Variants in BCKDHB observed in about 807,000 individuals in gnomAD.
BCKDHB encodes 2-oxoisovalerate dehydrogenase subunit beta, mitochondrial.
BCKDHB carries 41 observed loss-of-function variants against 48.5 expected under a neutral mutation model. The ratio of observed to expected loss-of-function variants is 0.85; its 90% CI spans 0.66 to 1.10. The LOEUF (loss-of-function observed/expected upper bound fraction) is 1.10. BCKDHB is among the 50% of genes least tolerant of loss of function. The pLI is 0.00. For synonymous variants in BCKDHB, 201 were observed against 174.8 expected (o/e 1.15, Z -1.18); for missense variants, 496 against 494.2 (o/e 1.00, Z -0.03).
intron 1 of BCKDHB, among the ~76,000 whole-genome samples, chr6:80,117,206 A>C (rs1234633678): frequency 6.6e-6 from 1 of 152,238 alleles, no homozygotes; most frequent in East Asian, 1.9e-4. Context: ...TCAGGAGTGA[A>C]AGTTTAGGTA....
At chr6:80,125,536 T>A (rs1298434487) in intron 1 of BCKDHB, among the ~76,000 whole-genome samples, 1 of 152,210 alleles carries the variant, frequency 6.6e-6, no homozygotes, top group Non-Finnish European at 1.5e-5. Flanking sequence ...CCTTCCGTAC[T>A]TAGCTTAGTC....
the BCKDHB span, among the ~76,000 whole-genome samples, chr6:80,387,774 G>T: frequency 6.6e-6 from 1 of 152,188 alleles, no homozygotes; most frequent in Non-Finnish European, 1.5e-5. Context: ...CTGACTTTGT[G>T]TCATAATCTT....
In BCKDHB at chr6:80,106,919, G is replaced by T. The variant is rs373475872; in HGVS notation, c.196+30G>T. The T allele has an allele frequency of 3.1e-5, 49 of 1,579,678 alleles. No homozygotes were observed. In the African/African-American group the frequency reaches 6.3e-4, roughly 20 times the overall value. ...GCCCTGGGACTGCCCACTCGGTCCCGCTGCAGCCCGGACTCCCAGGCTCGC... is the reference window on the plus strand; with the variant it reads ...GCCCTGGGACTGCCCACTCGGTCCCTCTGCAGCCCGGACTCCCAGGCTCGC... On this transcript the variant is annotated intron_variant, in intron 1 of 9. Transcript: ENST00000320393.
At chr6:80,273,296 T>A in intron 9 of BCKDHB, 75 bp downstream of exon 9, 1 of 1,219,650 alleles carries the variant, frequency 8.2e-7, no homozygotes, top group Non-Finnish European at 1.2e-6. Flanking sequence ...ATAAATTACT[T>A]ATCACAATAT....
chr6:80,451,932 A>G, the BCKDHB span, among the ~76,000 whole-genome samples: 14 of 152,186 alleles, frequency 9.2e-5, no homozygotes, highest in Non-Finnish European at 2.1e-4. Context: ...AAAATAACCA[A>G]TATCTGTGAT....
intron 9 of BCKDHB, among the ~76,000 whole-genome samples, chr6:80,337,688 G>A (rs886239305): frequency 6.6e-6 from 1 of 151,948 alleles, no homozygotes; most frequent in Admixed American, 6.6e-5. Flanking sequence ...TGTTGTGGTA[G>A]TATAATGATT....
Position 80,337,781 on chromosome 6 carries a change from G to T in BCKDHB, c.1039-5883G>T, listed in dbSNP as rs948369042. 6.6e-5 allele frequency among the ~76,000 whole-genome samples: 10 copies of T among 152,204 alleles called. No individual in the cohort carries two copies. The East Asian group carries it at 1.9e-3, about 29-fold the overall frequency. On this transcript the variant is annotated intron_variant, in intron 9 of 9. Coordinates refer to ENST00000320393, the MANE Select transcript of BCKDHB (RefSeq NM_183050.4). ...GTTGCTACTTGGAAATTAAGTTGTG[G>T]AGTGATGTTTCTCATTGGTCCAAGG...
intron 9 of BCKDHB, among the ~76,000 whole-genome samples, chr6:80,319,191 A>G (rs1329225593): frequency 6.6e-6 from 1 of 152,250 alleles, no homozygotes; most frequent in Admixed American, 6.5e-5. Context: ...GAAAAGAATT[A>G]CATGAAACAA....
chr6:80,149,899 A>G (rs894628491), intron 3 of BCKDHB, among the ~76,000 whole-genome samples: 18 of 151,924 alleles, frequency 1.2e-4, no homozygotes, highest in African/African-American at 4.4e-4. Context: ...TAATGGGTGC[A>G]GCATACCAGC....
intron 9 of BCKDHB, among the ~76,000 whole-genome samples, chr6:80,301,763 C>T (rs9448922): frequency 0.044 from 6,688 of 152,066 alleles, 496 homozygotes; most frequent in African/African-American, 0.15. Flanking sequence ...ACTAGCAAAC[C>T]GAATTCAGTA....
At chr6:80,439,395 T>TTA in the BCKDHB span, among the ~76,000 whole-genome samples, 1 of 152,204 alleles carries the variant, frequency 6.6e-6, no homozygotes, top group African/African-American at 2.4e-5. Context: ...AAGGCAATGT[T>TTA]TATATATATG....
the BCKDHB span, among the ~76,000 whole-genome samples, chr6:80,393,723 C>G: frequency 1.1e-4 from 17 of 152,212 alleles, no homozygotes; most frequent in African/African-American, 4.1e-4. Context: ...GCACAGCTAT[C>G]GTCTTGGATT....
intron 9 of BCKDHB, among the ~76,000 whole-genome samples, chr6:80,337,608 A>G (rs566764917): frequency 6.6e-6 from 1 of 151,790 alleles, no homozygotes; most frequent in South Asian, 2.1e-4. Flanking sequence ...AATTTATATT[A>G]CATATATATT....
intron 9 of BCKDHB, among the ~76,000 whole-genome samples, chr6:80,319,878 T>G (rs1316961919): frequency 2.0e-5 from 3 of 152,170 alleles, no homozygotes; most frequent in African/African-American, 7.2e-5. Flanking sequence ...TAAGATCAGT[T>G]CTTTTAGGGA....
At chr6:80,315,533 T>G (rs575399274) in intron 9 of BCKDHB, among the ~76,000 whole-genome samples, 1 of 152,210 alleles carries the variant, frequency 6.6e-6, no homozygotes, top group East Asian at 1.9e-4. Context: ...CCCCCTTTTG[T>G]TGCTCTCTGT....
intron 6 of BCKDHB, among the ~76,000 whole-genome samples, chr6:80,185,957 A>G (rs1362101424): frequency 3.3e-5 from 5 of 152,154 alleles, no homozygotes; most frequent in Non-Finnish European, 7.4e-5. Context: ...GTTAGTCAGG[A>G]TGTTGTAGAT....
At chr6:80,216,633 A>G (rs1775184970) in intron 8 of BCKDHB, among the ~76,000 whole-genome samples, 1 of 152,194 alleles carries the variant, frequency 6.6e-6, no homozygotes, top group Non-Finnish European at 1.5e-5. Context: ...TAGCAGTGAA[A>G]AGAAAGAAAT....
At chr6:80,107,133 A>C (rs1029654271) in intron 1 of BCKDHB, among the ~76,000 whole-genome samples, 1 of 151,718 alleles carries the variant, frequency 6.6e-6, no homozygotes, top group Non-Finnish European at 1.5e-5. Context: ...GTGAGAGGGC[A>C]TACTGCCACC....
chr6:80,117,279 A>G (rs1769755420), intron 1 of BCKDHB, among the ~76,000 whole-genome samples: 1 of 152,244 alleles, frequency 6.6e-6, no homozygotes, highest in Admixed American at 6.5e-5. Context: ...CAAGACGAAT[A>G]GATTCTTTGT....
Sources: allele counts gnomAD v4.1 joint callset (sites outside exome capture counted in the v4.1 genomes callset), GRCh38; gene constraint gnomAD v4.1.1; transcripts MANE v1.5; gene names NCBI Gene and HGNC (gene_info 2026-07-23, HGNC 2026-07-21).